XYLB: variants seen among roughly 807,000 people sequenced by gnomAD.
XYLB encodes the protein xylulose kinase.
Under a neutral mutation model 78.7 loss-of-function variants are expected in XYLB, and 62 were observed. The ratio of observed to expected loss-of-function variants is 0.79; its 90% CI spans 0.64 to 0.97. XYLB has a LOEUF of 0.97. XYLB is among the 50% of genes least tolerant of loss of function. The probability of loss-of-function intolerance (pLI) is 0.00; values close to 1 mark genes in which losing one functional copy is unlikely to be tolerated. For synonymous variants in XYLB, 245 were observed against 247.4 expected, an observed-to-expected ratio of 0.99 and a Z score of 0.09; for missense variants, 687 against 676.8, an observed-to-expected ratio of 1.02 and a Z score of -0.17.
intron 15 of XYLB, 80 bp from the exon 16 acceptor site, chr3:38,395,425 C>G: frequency 1.5e-6 from 2 of 1,328,606 alleles, no homozygotes; most frequent in Non-Finnish European, 1.1e-6. Flanking sequence ...CCCTCTGTAG[C>G]TGAAGAACTC....
chr3:38,441,014 C>G, the XYLB span, among the ~76,000 whole-genome samples: 1 of 151,886 alleles, frequency 6.6e-6, no homozygotes, highest in Non-Finnish European at 1.5e-5. Context: ...CTTTCTTTCT[C>G]TCTTTGACTT....
At chr3:38,405,251 G>A (rs17733640) in intron 18 of XYLB, among the ~76,000 whole-genome samples, 63,601 of 151,228 alleles carry the variant, frequency 0.42, 15,671 homozygotes, top group Non-Finnish European at 0.56. Context: ...ATTCTATCTG[G>A]GTAGACCAGG....
chr3:38,435,122 T>G, the XYLB span, among the ~76,000 whole-genome samples: 2 of 152,058 alleles, frequency 1.3e-5, no homozygotes, highest in Admixed American at 1.3e-4. Flanking sequence ...GGTGACAGAG[T>G]AAGACAGACT....
At chr3:38,382,241 G>A (rs1261708654) in intron 15 of XYLB, among the ~76,000 whole-genome samples, 4 of 152,202 alleles carry the variant, frequency 2.6e-5, no homozygotes, top group Non-Finnish European at 5.9e-5. Flanking sequence ...AGCTACTCAG[G>A]AGACTGAGGT....
At position 38,378,031 on chromosome 3, in the gene XYLB, G is replaced by A. The variant is rs147351596; in HGVS notation, c.1194+1040G>A. ...TGGGTTGTACCTGAGAGATGTTTCT[G>A]ACCCCAGTAAATGGGGGGTTTATGT... On this transcript the variant is annotated intron_variant, in intron 14 of 18. Coordinates refer to ENST00000207870, the MANE Select transcript of XYLB (RefSeq NM_005108.4). Among the ~76,000 whole-genome samples the A allele has an allele frequency of 7.0e-4, 107 of 152,298 alleles. 1 individual carries two copies. The highest frequency in any genetic ancestry group is 2.2e-3 in the African/African-American group (92 of 41,548).
At chr3:38,449,330 C>G in the XYLB span, among the ~76,000 whole-genome samples, 2 of 151,962 alleles carry the variant, frequency 1.3e-5, no homozygotes, top group Non-Finnish European at 2.9e-5. Flanking sequence ...ACCGTGTTGG[C>G]CAGAATGGTC....
intron 4 of XYLB, 72 bp from the exon 5 acceptor site, chr3:38,365,127 T>G (rs1706177968): frequency 3.5e-6 from 5 of 1,414,784 alleles, no homozygotes; most frequent in Admixed American, 1.7e-5. Context: ...TGGTCTGGGG[T>G]CTTTCTGTGT....
At chr3:38,446,676 C>A in the XYLB span, among the ~76,000 whole-genome samples, 2 of 152,150 alleles carry the variant, frequency 1.3e-5, no homozygotes, top group East Asian at 3.8e-4. Flanking sequence ...GGAATGGAAA[C>A]CCTCTTCAAT....
chr3:38,375,246 A>G lies in XYLB; in HGVS notation c.991A>G (p.Met331Val), dbSNP rs757580267. 6 of 1,614,076 alleles carry G rather than the reference A, an allele frequency of 3.7e-6. No individual in the cohort carries two copies. The highest frequency in any genetic ancestry group is 5.1e-6 in the Non-Finnish European group (6 of 1,179,982). ...CAACCCGGTTGACTCCCAGCACTAC[A>G]TGGCACTCCTGTGGTGAGCTTGGGT... ...FCNPVDSQHY[M>V]ALLCFKNGSL... The change falls in exon 12 of 19, where the codon ATG becomes GTG. Residue 331 changes from methionine (M) to valine (V), a missense_variant. Transcript: ENST00000207870.
At chr3:38,360,754 CTG>C (rs1348891720) in intron 3 of XYLB, among the ~76,000 whole-genome samples, 3 of 152,246 alleles carry the variant, frequency 2.0e-5, no homozygotes, top group East Asian at 3.8e-4. Flanking sequence ...CAAACATAGA[CTG>C]GGCATGGTGG....
chr3:38,366,713 C>T, intron 6 of XYLB, 95 bp from the exon 7 acceptor site: 1 of 848,162 alleles, frequency 1.2e-6, no homozygotes. Flanking sequence ...GTACCTACTC[C>T]TATCCAGAGC....
chr3:38,392,413 T>C (rs1052061403), intron 15 of XYLB, among the ~76,000 whole-genome samples: 8 of 152,150 alleles, frequency 5.3e-5, no homozygotes, highest in Non-Finnish European at 8.8e-5. Flanking sequence ...TTCTCCTGCC[T>C]CAGCCTCCTG....
At chr3:38,404,333 C>G (rs1015949897) in intron 18 of XYLB, among the ~76,000 whole-genome samples, 2 of 152,192 alleles carry the variant, frequency 1.3e-5, no homozygotes, top group African/African-American at 4.8e-5. Context: ...GTGTCACCCT[C>G]ATTTGGAAGA....
rs116548315 is a variant in XYLB at position 38,403,909 on chromosome 3, C to G, written c.1533+2924C>G. The stretch of plus-strand genomic sequence containing the variant: ...CCAAATGTAACCTCAAAAGCCCACC[C>G]AACAGCAGGTTGCAAGCAGTGACAG... On this transcript the variant is annotated intron_variant, in intron 18 of 18. Transcript: ENST00000207870. Among the ~76,000 whole-genome samples, 1,060 of 152,138 alleles carry G rather than the reference C, an allele frequency of 7.0e-3. 8 individuals are homozygous for G. The highest frequency in any genetic ancestry group is 0.025 in the African/African-American group (1,020 of 41,492).
chr3:38,416,707 G>C (rs1353718759), downstream of XYLB, among the ~76,000 whole-genome samples: 1 of 151,980 alleles, frequency 6.6e-6, no homozygotes, highest in African/African-American at 2.4e-5. Context: ...TAGAATTCAG[G>C]AAAAAATAGA....
chr3:38,346,962 C>G, intron 1 of XYLB, 37 bp downstream of exon 1: 1 of 1,422,298 alleles, frequency 7.0e-7, no homozygotes, highest in Non-Finnish European at 9.2e-7. Context: ...GGGGCCGCCT[C>G]CTCCGCTTCG....
intron 18 of XYLB, among the ~76,000 whole-genome samples, chr3:38,407,723 G>A (rs1161470955): frequency 6.6e-6 from 1 of 151,940 alleles, no homozygotes. Flanking sequence ...AAAAAGGCAG[G>A]GGTTGCAATC....
At chr3:38,348,002 G>C (rs1035253451) in intron 1 of XYLB, among the ~76,000 whole-genome samples, 2 of 152,256 alleles carry the variant, frequency 1.3e-5, no homozygotes, top group Admixed American at 6.5e-5. Context: ...TGGATGACTC[G>C]AGTTGCCTTG....
the XYLB span, among the ~76,000 whole-genome samples, chr3:38,446,119 G>C: frequency 6.6e-6 from 1 of 152,202 alleles, no homozygotes; most frequent in Non-Finnish European, 1.5e-5. Context: ...ACCCAAGTGG[G>C]TTGCTGCTGC....
Sources: gnomAD v4.1 joint callset for allele counts (sites outside exome capture counted in the v4.1 genomes callset) on GRCh38, gnomAD v4.1.1 for gene constraint, MANE v1.5 for transcripts, NCBI Gene and HGNC (gene_info 2026-07-23, HGNC 2026-07-21) for gene names.